Variants in MAN2A1 observed in about 807,000 individuals in gnomAD.
MAN2A1 encodes the protein alpha-mannosidase 2.
In MAN2A1, 76 loss-of-function variants were observed where a neutral mutation model predicts 142.6. The ratio of observed to expected loss-of-function variants is 0.53; its 90% CI spans 0.44 to 0.65. MAN2A1 has a LOEUF of 0.65. MAN2A1 is among the 30% of genes least tolerant of loss of function. The pLI, the probability that MAN2A1 is intolerant of heterozygous loss-of-function variation, is 0.00. For synonymous variants in MAN2A1, 559 were observed against 473.2 expected, an observed-to-expected ratio of 1.18 and a Z score of -2.35; for missense variants, 1,311 against 1,365.1, an observed-to-expected ratio of 0.96 and a Z score of 0.62.
chr5:109,836,524 C>T (rs752982442), intron 16 of MAN2A1, among the ~76,000 whole-genome samples: 26 of 152,308 alleles, frequency 1.7e-4, no homozygotes, highest in Non-Finnish European at 3.1e-4. Flanking sequence ...TGTTCTCTCT[C>T]TCCTGATCCA....
chr5:109,756,441 T>C lies in MAN2A1; in HGVS notation c.835+985T>C, dbSNP rs144165197. The stretch of plus-strand genomic sequence containing the variant: ...TTTATTGAAGTTATTTTTAGATATT[T>C]CCTTATTTTAAAAAATTGTCCCTTA... On this transcript the variant is annotated intron_variant, in intron 5 of 21. Transcript: ENST00000261483. Among the ~76,000 whole-genome samples the C allele has an allele frequency of 6.4e-3, 971 of 152,332 alleles. 12 individuals carry two copies. Among genetic ancestry groups the C allele is most frequent in the African/African-American group, 0.022 (921 of 41,572 alleles).
At chr5:109,728,596 C>T (rs1422847299) in intron 3 of MAN2A1, among the ~76,000 whole-genome samples, 2 of 152,090 alleles carry the variant, frequency 1.3e-5, no homozygotes, top group Non-Finnish European at 2.9e-5. Context: ...TTGCAACTAT[C>T]TTTAGATAAA....
At chr5:109,702,779 A>G (rs1489621954) in intron 1 of MAN2A1, among the ~76,000 whole-genome samples, 2 of 152,176 alleles carry the variant, frequency 1.3e-5, no homozygotes, top group African/African-American at 4.8e-5. Flanking sequence ...TTTGCTATTA[A>G]TGTATTTTTA....
At chr5:109,807,832 A>G (rs1290223462) in intron 12 of MAN2A1, among the ~76,000 whole-genome samples, 1 of 152,228 alleles carries the variant, frequency 6.6e-6, no homozygotes, top group African/African-American at 2.4e-5. Flanking sequence ...TTAAATTTCC[A>G]GTGGAAAAAT....
At chr5:109,770,664 T>A in intron 7 of MAN2A1, 123 bp downstream of exon 7, 1 of 847,956 alleles carries the variant, frequency 1.2e-6, no homozygotes, top group East Asian at 2.6e-5. Flanking sequence ...AAGTATTCAT[T>A]CAAACCAGAT....
chr5:109,807,204 C>A (rs1754188613), intron 12 of MAN2A1, among the ~76,000 whole-genome samples: 1 of 152,132 alleles, frequency 6.6e-6, no homozygotes, highest in South Asian at 2.1e-4. Context: ...GGACCCCAAG[C>A]TCTTCTTGCT....
chr5:109,855,949 A>G (rs1418562212), intron 20 of MAN2A1, among the ~76,000 whole-genome samples: 3 of 152,192 alleles, frequency 2.0e-5, no homozygotes, highest in African/African-American at 4.8e-5. Context: ...GCAAATTGAC[A>G]TAGATTTAGC....
chr5:109,706,887 T>G (rs1401546644), intron 1 of MAN2A1, among the ~76,000 whole-genome samples: 1 of 152,214 alleles, frequency 6.6e-6, no homozygotes, highest in Non-Finnish European at 1.5e-5. Flanking sequence ...TCTACAGCTC[T>G]TATAACTAGA....
At chr5:109,704,869 C>T (rs574831796) in intron 1 of MAN2A1, among the ~76,000 whole-genome samples, 10 of 152,284 alleles carry the variant, frequency 6.6e-5, no homozygotes, top group African/African-American at 1.7e-4. Context: ...CAGATCTCTG[C>T]GCTTTTCTAG....
chr5:109,770,598 C>G (rs1333529230), intron 7 of MAN2A1, 57 bp downstream of exon 7: 3 of 1,494,516 alleles, frequency 2.0e-6, no homozygotes, highest in East Asian at 4.5e-5. Flanking sequence ...CACTTAGCTG[C>G]TAGTTGCTGA....
At chr5:109,738,325 A>T (rs998558716) in intron 4 of MAN2A1, among the ~76,000 whole-genome samples, 1 of 150,442 alleles carries the variant, frequency 6.6e-6, no homozygotes, top group African/African-American at 2.4e-5. Context: ...CCGAACGTCT[A>T]CTATGGGACA....
chr5:109,800,786 T>A (rs1047822347), intron 12 of MAN2A1, among the ~76,000 whole-genome samples: 2 of 152,134 alleles, frequency 1.3e-5, no homozygotes, highest in African/African-American at 4.8e-5. Context: ...TGTGAATGGT[T>A]GAGTGAAATA....
chr5:109,787,210 T>G (rs932463242), intron 10 of MAN2A1, among the ~76,000 whole-genome samples: 3 of 152,112 alleles, frequency 2.0e-5, no homozygotes, highest in African/African-American at 7.2e-5. Context: ...TTCCGCTAAT[T>G]ATTCCTAACT....
At chr5:109,795,874 A>C (rs1582905118) in intron 12 of MAN2A1, among the ~76,000 whole-genome samples, 1 of 152,226 alleles carries the variant, frequency 6.6e-6, no homozygotes, top group East Asian at 1.9e-4. Context: ...TTAATTGACC[A>C]AGTAGATCAA....
intron 20 of MAN2A1, among the ~76,000 whole-genome samples, chr5:109,859,353 G>A (rs1228462762): frequency 1.3e-5 from 2 of 152,132 alleles, no homozygotes; most frequent in Non-Finnish European, 2.9e-5. Flanking sequence ...GACATATCTT[G>A]CTTTTCTGCT....
intron 3 of MAN2A1, among the ~76,000 whole-genome samples, chr5:109,728,972 C>A (rs1171068587): frequency 6.6e-6 from 1 of 152,038 alleles, no homozygotes; most frequent in East Asian, 1.9e-4. Context: ...ACAGTACTGC[C>A]AACTTGTAAA....
At chr5:109,697,586 G>A (rs1326354122) in intron 1 of MAN2A1, among the ~76,000 whole-genome samples, 1 of 152,130 alleles carries the variant, frequency 6.6e-6, no homozygotes, top group Admixed American at 6.5e-5. Context: ...GTTTAATAAT[G>A]TTTCATGACA....
At chr5:109,742,654 A>G (rs927929103) in intron 4 of MAN2A1, among the ~76,000 whole-genome samples, 3 of 152,122 alleles carry the variant, frequency 2.0e-5, no homozygotes, top group African/African-American at 7.2e-5. Flanking sequence ...TACAGGTTGG[A>G]TTTTATGGTA....
At chr5:109,762,538 G>A (rs1178602791) in intron 5 of MAN2A1, among the ~76,000 whole-genome samples, 2 of 152,148 alleles carry the variant, frequency 1.3e-5, no homozygotes, top group Admixed American at 6.5e-5. Flanking sequence ...TGTGGAGTCA[G>A]CATAGGCAAA....
Sources: allele counts gnomAD v4.1 joint callset (sites outside exome capture counted in the v4.1 genomes callset), GRCh38; gene constraint gnomAD v4.1.1; transcripts MANE v1.5; gene names NCBI Gene and HGNC (gene_info 2026-07-23, HGNC 2026-07-21).